Variants in PRRG1 observed in about 807,000 individuals in gnomAD.
PRRG1 encodes the protein transmembrane gamma-carboxyglutamic acid protein 1.
In PRRG1, 5 loss-of-function variants were observed where a neutral mutation model predicts 11.8. That is an observed-to-expected ratio of 0.42 (90% CI 0.22 to 0.89). PRRG1 has a LOEUF of 0.89. Ranked by LOEUF, PRRG1 falls within the 40% of genes least tolerant of loss-of-function variation. The pLI is 0.28. For missense variants in PRRG1, 155 were observed against 166.1 expected (o/e 0.93, Z 0.37); for synonymous variants, 66 against 60.4 (o/e 1.09, Z -0.43).
chrX:37,453,560 T>C lies in PRRG1; in HGVS notation c.596T>C (p.Ile199Thr). 1 of 1,208,028 alleles carries C rather than the reference T, an allele frequency of 8.3e-7. No individual in the cohort carries two copies. The highest frequency in any genetic ancestry group is 1.8e-5 in the South Asian group (1 of 56,362). Residue 199 changes from isoleucine (I) to threonine (T), a missense_variant, in exon 4 of 4, where the codon ATA (isoleucine) becomes ACA (threonine). By Grantham distance (89) the Ile-to-Thr change is moderately conservative. Transcript: ENST00000378628. ...HLDPPPEYED[I>T]VNSNSASAIP... ...GACCCACCCCCAGAGTATGAGGACA[T>C]AGTCAACTCCAACTCAGCCAGTGCC...
chrX:37,432,613 A>G (rs1456514258), intron 3 of PRRG1, among the ~76,000 whole-genome samples: 2 of 111,854 alleles, frequency 1.8e-5, no homozygotes, highest in Admixed American at 1.9e-4. Context: ...TACATGCCCC[A>G]GAAAGAAAGA....
chrX:37,449,961 T>G (rs1450190140), intron 3 of PRRG1, among the ~76,000 whole-genome samples: 1 of 112,732 alleles, frequency 8.9e-6, no homozygotes, highest in Non-Finnish European at 1.9e-5. Context: ...AGAGCTGATT[T>G]CACATGAATT....
At chrX:37,397,485 G>A (rs1556378537) in intron 1 of PRRG1, among the ~76,000 whole-genome samples, 1 of 112,293 alleles carries the variant, frequency 8.9e-6, no homozygotes, top group Non-Finnish European at 1.9e-5. Flanking sequence ...TACAGGTGTT[G>A]AAGACAAATT....
intron 1 of PRRG1, among the ~76,000 whole-genome samples, chrX:37,372,521 G>C (rs1239568272): frequency 5.4e-5 from 6 of 111,900 alleles, no homozygotes; most frequent in Non-Finnish European, 1.1e-4. Context: ...GACCAGGCTG[G>C]TCTTGAACTC....
chrX:37,448,033 G>A (rs781881994), intron 3 of PRRG1, among the ~76,000 whole-genome samples: 2 of 112,166 alleles, frequency 1.8e-5, no homozygotes, highest in Admixed American at 1.9e-4. Context: ...ATTACATCAG[G>A]ACAGGTACCA....
chrX:37,401,291 C>G (rs1429352703), intron 1 of PRRG1, among the ~76,000 whole-genome samples: 3,789 of 110,838 alleles, frequency 0.034, 166 homozygotes, highest in African/African-American at 0.12. Context: ...CCACCATGAT[C>G]AAGTGGGCTT....
Position 37,454,442 on chromosome X carries a change from A to G in PRRG1, c.*821A>G, listed in dbSNP as rs1921275814. ...ATGGATATATGTGTGGATTAATGACAGGCAGTAAATACCCATTACTCCTTT... is the reference window on the plus strand; with the variant it reads ...ATGGATATATGTGTGGATTAATGACGGGCAGTAAATACCCATTACTCCTTT... On this transcript the variant is annotated 3_prime_UTR_variant, in exon 4 of 4. Coordinates refer to ENST00000378628, the MANE Select transcript of PRRG1 (RefSeq NM_001142395.2). 1 of 111,948 alleles carries G rather than the reference A, an allele frequency of 8.9e-6. No individual in the cohort carries two copies. Among genetic ancestry groups the G allele is most frequent in the African/African-American group, 3.2e-5 (1 of 30,788 alleles). The allele number at this position is 111,948 out of a possible 1,213,427, so 9.2% of individuals were successfully genotyped here.
At chrX:37,371,614 G>A (rs1046016929) in intron 1 of PRRG1, among the ~76,000 whole-genome samples, 2 of 112,751 alleles carry the variant, frequency 1.8e-5, no homozygotes, top group South Asian at 3.7e-4. Flanking sequence ...GAGGCGTTGC[G>A]GTTCCTGGCA....
Position 37,359,568 on chromosome X carries a change from A to G in PRRG1, c.-42+10173A>G, listed in dbSNP as rs148391449. 4.1e-3 allele frequency among the ~76,000 whole-genome samples: 455 copies of G among 111,001 alleles called. 3 individuals carry two copies. The highest frequency in any genetic ancestry group is 0.014 in the Middle Eastern group (3 of 218). ...ATAATATTTTGTTGAGGATTTTTCA[A>G]TCTGTGTTTATGGTAGATATTGGTC... On this transcript the variant is annotated intron_variant, in intron 1 of 3. Transcript: ENST00000378628.
At chrX:37,378,745 G>T (rs1931060096) in intron 1 of PRRG1, among the ~76,000 whole-genome samples, 1 of 111,177 alleles carries the variant, frequency 9.0e-6, no homozygotes, top group South Asian at 3.8e-4. Flanking sequence ...GAGGTGATTT[G>T]TACATAAGAA....
At chrX:37,374,794 T>C (rs782056138) in intron 1 of PRRG1, among the ~76,000 whole-genome samples, 1 of 111,825 alleles carries the variant, frequency 8.9e-6, no homozygotes, top group South Asian at 3.8e-4. Flanking sequence ...TTTTCATGAA[T>C]TGATAAATCC....
At chrX:37,379,281 T>G (rs1931079777) in intron 1 of PRRG1, among the ~76,000 whole-genome samples, 1 of 109,447 alleles carries the variant, frequency 9.1e-6, no homozygotes, top group South Asian at 3.9e-4. Flanking sequence ...TTTATTTGCT[T>G]CTTTCTACCA....
Position 37,384,791 on chromosome X carries a change from A to G in PRRG1, c.-41-21418A>G, listed in dbSNP as rs782630192. ...AAGAGTAACAAAGATGAAAAAGACAATACCAAGAGTTTGTAAGAATATAGA... is the reference window on the plus strand; with the variant it reads ...AAGAGTAACAAAGATGAAAAAGACAGTACCAAGAGTTTGTAAGAATATAGA... On this transcript the variant is annotated intron_variant, in intron 1 of 3. Transcript: ENST00000378628. Among the ~76,000 whole-genome samples the G allele has an allele frequency of 2.7e-5, 3 of 112,106 alleles. No homozygotes were observed. In the South Asian group the frequency reaches 1.1e-3, roughly 42 times the overall value.
chrX:37,364,230 T>G (rs965086273), intron 1 of PRRG1, among the ~76,000 whole-genome samples: 5 of 111,274 alleles, frequency 4.5e-5, no homozygotes, highest in Admixed American at 2.9e-4. Flanking sequence ...TTTGCTTTTC[T>G]GTTAACCATC....
At chrX:37,393,036 A>G (rs897107393) in intron 1 of PRRG1, among the ~76,000 whole-genome samples, 2 of 111,199 alleles carry the variant, frequency 1.8e-5, no homozygotes, top group Admixed American at 9.6e-5. Flanking sequence ...AATTTGCTAC[A>G]TATTACTGTA....
intron 1 of PRRG1, among the ~76,000 whole-genome samples, chrX:37,361,716 G>T (rs975732637): frequency 1.8e-5 from 2 of 111,463 alleles, no homozygotes; most frequent in African/African-American, 6.5e-5. Context: ...CAGTGACAAA[G>T]CCTTGTTACT....
intron 3 of PRRG1, chrX:37,441,509 C>A: frequency 2.6e-6 from 2 of 757,073 alleles, no homozygotes; most frequent in Non-Finnish European, 3.1e-6. Context: ...TCACCACATC[C>A]CAAGGTGCCT....
Position 37,437,922 on chromosome X carries a change from C to T in PRRG1, c.171+11922C>T, listed in dbSNP as rs782565226. The stretch of plus-strand genomic sequence containing the variant: ...GGTGTTGTGAAATGATATTGATAGC[C>T]AGCAGAAAATACCATTTTTTTTTTC... On this transcript the variant is annotated intron_variant, in intron 3 of 3. Transcript: ENST00000378628. Among the ~76,000 whole-genome samples, 12 of 106,697 alleles carry T rather than the reference C, an allele frequency of 1.1e-4. No homozygotes were observed. The South Asian group carries it at 5.0e-3, about 44-fold the overall frequency. The allele number at this position is 106,697 out of a possible 115,157, so 92.7% of individuals were successfully genotyped here. A position where few individuals can be genotyped will look rare whatever the true frequency, so the allele number is the denominator to read the frequency against.
In PRRG1 at chrX:37,407,144, G is replaced by A. The variant is rs1294746692; in HGVS notation, c.10+885G>A. ...GGTATATTTAACATTCCACACTGAAGATGTGATTGTCATGGGGTCTCTGTT... is the reference window on the plus strand; with the variant it reads ...GGTATATTTAACATTCCACACTGAAAATGTGATTGTCATGGGGTCTCTGTT... On this transcript the variant is annotated intron_variant, in intron 2 of 3. Coordinates refer to ENST00000378628, the MANE Select transcript of PRRG1 (RefSeq NM_001142395.2). Among the ~76,000 whole-genome samples, 5 of 111,977 alleles carry A rather than the reference G, an allele frequency of 4.5e-5. No individual in the cohort carries two copies. The Admixed American group carries it at 4.7e-4, about 11-fold the overall frequency.
Sources: allele counts gnomAD v4.1 joint callset (sites outside exome capture counted in the v4.1 genomes callset), GRCh38; gene constraint gnomAD v4.1.1; transcripts MANE v1.5; gene names NCBI Gene and HGNC (gene_info 2026-07-23, HGNC 2026-07-21).